SNTG1: variants seen among roughly 807,000 people sequenced by gnomAD.
SNTG1 encodes the protein gamma-1-syntrophin.
Under a neutral mutation model 74.7 loss-of-function variants are expected in SNTG1, and 39 were observed. That is an observed-to-expected ratio of 0.52 (90% confidence interval 0.40 to 0.68). The LOEUF is 0.68. Among genes scored for constraint, SNTG1 ranks in the 30% least tolerant of loss-of-function variants. SNTG1 has a pLI of 0.00. For synonymous variants in SNTG1, 254 were observed against 217.1 expected, an observed-to-expected ratio of 1.17 and a Z score of -1.49; for missense variants, 685 against 609.5, an observed-to-expected ratio of 1.12 and a Z score of -1.30.
intron 1 of SNTG1, among the ~76,000 whole-genome samples, chr8:49,959,925 C>T (rs1035110579): frequency 6.6e-6 from 1 of 152,066 alleles, no homozygotes; most frequent in African/African-American, 2.4e-5. Flanking sequence ...CTAGTTTAAC[C>T]CTTATGCTTT....
At chr8:50,387,958 A>G (rs1186849408) in intron 2 of SNTG1, among the ~76,000 whole-genome samples, 1 of 152,154 alleles carries the variant, frequency 6.6e-6, no homozygotes, top group Non-Finnish European at 1.5e-5. Flanking sequence ...GACTTCATAT[A>G]TGTCTTCCTT....
At chr8:50,574,955 A>T (rs78662847) in intron 12 of SNTG1, among the ~76,000 whole-genome samples, 1 of 152,228 alleles carries the variant, frequency 6.6e-6, no homozygotes, top group Non-Finnish European at 1.5e-5. Context: ...GGTTAAGATC[A>T]CATTAATGGT....
chr8:50,044,297 G>T (rs1194470103), intron 1 of SNTG1, among the ~76,000 whole-genome samples: 1 of 152,170 alleles, frequency 6.6e-6, no homozygotes, highest in Non-Finnish European at 1.5e-5. Flanking sequence ...GTAAGGGGAC[G>T]ACCAACCTTT....
intron 1 of SNTG1, among the ~76,000 whole-genome samples, chr8:50,171,243 A>G (rs1421234451): frequency 6.6e-6 from 1 of 152,122 alleles, no homozygotes; most frequent in Non-Finnish European, 1.5e-5. Context: ...TTCCTTTTAC[A>G]TATATATAAT....
upstream of SNTG1, among the ~76,000 whole-genome samples, chr8:49,910,188 C>T (rs1805510597): frequency 6.6e-6 from 1 of 152,194 alleles, no homozygotes; most frequent in African/African-American, 2.4e-5. Context: ...AGTGTCAGAA[C>T]AGGAAGAAGA....
At chr8:50,077,413 A>G (rs993627718) in intron 1 of SNTG1, among the ~76,000 whole-genome samples, 1 of 152,032 alleles carries the variant, frequency 6.6e-6, no homozygotes, top group African/African-American at 2.4e-5. Flanking sequence ...CAGAGCAATA[A>G]TTTTTTCTGT....
chr8:50,658,769 G>C (rs2095199802), intron 15 of SNTG1, 106 bp downstream of exon 15: 1 of 700,226 alleles, frequency 1.4e-6, no homozygotes, highest in South Asian at 1.9e-5. Flanking sequence ...AATGAAAGAA[G>C]AGACACGATA....
At chr8:50,460,529 T>C (rs1327919141) in intron 8 of SNTG1, among the ~76,000 whole-genome samples, 1 of 152,200 alleles carries the variant, frequency 6.6e-6, no homozygotes, top group African/African-American at 2.4e-5. Flanking sequence ...TTGCAATTGT[T>C]TTTGAGGACT....
At chr8:50,340,735 T>A (rs1428459491) in intron 2 of SNTG1, among the ~76,000 whole-genome samples, 1 of 151,878 alleles carries the variant, frequency 6.6e-6, no homozygotes, top group Non-Finnish European at 1.5e-5. Context: ...AAATTGGACT[T>A]CCTTAAAATT....
At chr8:50,513,533 G>A (rs1225135950) in intron 9 of SNTG1, among the ~76,000 whole-genome samples, 4 of 152,248 alleles carry the variant, frequency 2.6e-5, no homozygotes, top group Admixed American at 1.3e-4. Flanking sequence ...ACAAAGGCAG[G>A]CAGGCCTCTT....
At chr8:50,588,326 C>A (rs759933043) in intron 12 of SNTG1, among the ~76,000 whole-genome samples, 1 of 151,986 alleles carries the variant, frequency 6.6e-6, no homozygotes, top group Non-Finnish European at 1.5e-5. Context: ...TATTTTGTAT[C>A]TACAACACCA....
At chr8:50,102,097 T>A (rs1439650767) in intron 1 of SNTG1, among the ~76,000 whole-genome samples, 1 of 151,776 alleles carries the variant, frequency 6.6e-6, no homozygotes, top group Non-Finnish European at 1.5e-5. Context: ...CTGGGTCAAA[T>A]GGTATTTCTA....
intron 12 of SNTG1, among the ~76,000 whole-genome samples, chr8:50,588,288 G>T: frequency 1.3e-5 from 2 of 152,236 alleles, no homozygotes; most frequent in South Asian, 4.1e-4. Flanking sequence ...GTGGGTGTGT[G>T]TACAGATTTT....
chr8:50,136,672 T>C (rs930875914), intron 1 of SNTG1, among the ~76,000 whole-genome samples: 7 of 152,252 alleles, frequency 4.6e-5, no homozygotes, highest in African/African-American at 7.2e-5. Flanking sequence ...CCAGCCTTCC[T>C]GAAGCATCAA....
chr8:50,758,117 C>T (rs1015144472), intron 18 of SNTG1, among the ~76,000 whole-genome samples: 31 of 151,678 alleles, frequency 2.0e-4, no homozygotes, highest in Non-Finnish European at 1.0e-4. Context: ...TTAGAATTTG[C>T]ATTTTCTGCA....
At chr8:50,660,414 GAA>G (rs2095215299) in intron 15 of SNTG1, among the ~76,000 whole-genome samples, 17 of 7,302 alleles carry the variant, frequency 2.3e-3, no homozygotes, top group Non-Finnish European at 4.3e-3. Context: ...AGAAAGAAAA[GAA>G]AGAAAGAAAG....
rs763230541 is a variant in SNTG1, at chr8:50,658,584, T to A, written c.967-8T>A. On this transcript the variant is annotated splice_polypyrimidine_tract_variant and splice_region_variant and intron_variant, in intron 14 of 18. Coordinates refer to ENST00000642720, the MANE Select transcript of SNTG1 (RefSeq NM_018967.5). ...ACAAATTAAACATTATTTTCTTATC[T>A]TTTAAAGGTGACCACCTGGGACTGG... is the stretch of plus-strand genomic sequence containing the variant. 6.3e-7 allele frequency: 1 copy of A among 1,587,704 alleles called. No homozygotes were observed.
At chr8:50,306,052 C>A (rs1359147669) in intron 2 of SNTG1, among the ~76,000 whole-genome samples, 5 of 149,956 alleles carry the variant, frequency 3.3e-5, no homozygotes, top group Non-Finnish European at 3.0e-5. Flanking sequence ...CCCCTCCCAC[C>A]CTCCCCCTTC....
At chr8:49,980,212 C>T (rs1234361890) in intron 1 of SNTG1, among the ~76,000 whole-genome samples, 1 of 152,176 alleles carries the variant, frequency 6.6e-6, no homozygotes, top group Admixed American at 6.5e-5. Context: ...ATTCTACTTT[C>T]TTTCTCTATG....
Sources: allele counts gnomAD v4.1 joint callset (sites outside exome capture counted in the v4.1 genomes callset), GRCh38; gene constraint gnomAD v4.1.1; transcripts MANE v1.5; gene names NCBI Gene and HGNC (gene_info 2026-07-23, HGNC 2026-07-21).